MYO1E: variants seen among roughly 807,000 people sequenced by gnomAD.
MYO1E encodes the protein unconventional myosin-Ie.
MYO1E carries 68 observed loss-of-function variants against 151.1 expected under a neutral mutation model. That is an observed-to-expected ratio of 0.45 (90% CI 0.37 to 0.55). MYO1E has a LOEUF of 0.55. Among genes scored for constraint, MYO1E ranks in the 20% least tolerant of loss-of-function variants. The pLI is 0.00. For missense variants in MYO1E, 1,363 were observed against 1,389.3 expected, an observed-to-expected ratio of 0.98 and a Z score of 0.30; for synonymous variants, 601 against 501.7, an observed-to-expected ratio of 1.20 and a Z score of -2.64.
rs1411502221 is a variant in MYO1E, at chr15:59,135,323, A to G, written c.*2057T>C. 6.6e-6 allele frequency: 1 copy of G among 152,254 alleles called. No homozygotes were observed. The highest frequency in any genetic ancestry group is 1.5e-5 in the Non-Finnish European group (1 of 68,060). The allele number at this position is 152,254 out of a possible 1,614,324, so 9.4% of individuals were successfully genotyped here. A position where few individuals can be genotyped will look rare whatever the true frequency, so the allele number is the denominator to read the frequency against. On this transcript the variant is annotated 3_prime_UTR_variant, in exon 28 of 28. Coordinates refer to ENST00000288235, the MANE Select transcript of MYO1E (RefSeq NM_004998.4). ...AATCAATCAATCAGGAGGAAAAACAAAGGCTTGTCCCAGCCAGCCAGGGGC... is the reference window on the plus strand; with the variant it reads ...AATCAATCAATCAGGAGGAAAAACAGAGGCTTGTCCCAGCCAGCCAGGGGC...
rs369800104 is a variant in MYO1E, at chr15:59,344,224, C to T, written c.3+28274G>A. Among the ~76,000 whole-genome samples the T allele has an allele frequency of 3.3e-5, 5 of 152,346 alleles. No individual in the cohort carries two copies. In the South Asian group the frequency reaches 6.2e-4, roughly 19 times the overall value. On this transcript the variant is annotated intron_variant, in intron 1 of 27. Coordinates refer to ENST00000288235, the MANE Select transcript of MYO1E (RefSeq NM_004998.4). ...TTTGTGGACACCACAGCCGTATCTG[C>T]ATTATGGGGTACCCCAAGCCCAGTA...
rs118152842 is a variant in MYO1E at position 59,342,935 on chromosome 15, A to G, written c.3+29563T>C. Reference sequence around the variant, plus strand: ...TAATTTTGTCTCCCCACTTTTTAACATTTTGTTGTTTCTATTTATCTTACT... The same window carrying G: ...TAATTTTGTCTCCCCACTTTTTAACGTTTTGTTGTTTCTATTTATCTTACT... On this transcript the variant is annotated intron_variant, in intron 1 of 27. Coordinates refer to ENST00000288235, the MANE Select transcript of MYO1E (RefSeq NM_004998.4). Among the ~76,000 whole-genome samples the G allele has an allele frequency of 5.8e-3, 877 of 152,208 alleles. 2 individuals carry two copies. The highest frequency in any genetic ancestry group is 0.011 in the Non-Finnish European group (736 of 67,990).
At chr15:59,194,234 T>G (rs1469193570) in intron 17 of MYO1E, among the ~76,000 whole-genome samples, 1 of 151,892 alleles carries the variant, frequency 6.6e-6, no homozygotes, top group Admixed American at 6.6e-5. Context: ...CAGAACATAG[T>G]GGCCTGAAAA....
At position 59,323,252 on chromosome 15, in the gene MYO1E, T is replaced by C. The variant is rs1386436069; in HGVS notation, c.3+49246A>G. Among the ~76,000 whole-genome samples the C allele has an allele frequency of 2.7e-5, 4 of 149,000 alleles. No individual in the cohort carries two copies. The East Asian group carries it at 8.0e-4, about 30-fold the overall frequency. ...AAATAAGATTGACAGAAAAGAAACA[T>C]CTGTTCCTAAAACCAAACTAAACCA... On this transcript the variant is annotated intron_variant, in intron 1 of 27. Transcript: ENST00000288235.
intron 14 of MYO1E, chr15:59,207,421 C>T (rs144009943): frequency 8.7e-6 from 14 of 1,613,890 alleles, no homozygotes; most frequent in African/African-American, 6.7e-5. Flanking sequence ...TTTAGTCCAG[C>T]GAAATGTGGC....
Position 59,172,564 on chromosome 15 carries a change from G to A in MYO1E, c.2335-522C>T, listed in dbSNP as rs1436975284. On this transcript the variant is annotated intron_variant, in intron 21 of 27. Coordinates refer to ENST00000288235, the MANE Select transcript of MYO1E (RefSeq NM_004998.4). ...TGACATGTAAAAAATGATGACATTT[G>A]ACTCTTTTTGACTTAAAAACTGGCA... is the stretch of plus-strand genomic sequence containing the variant. Among the ~76,000 whole-genome samples the A allele has an allele frequency of 2.6e-5, 4 of 152,122 alleles. No homozygotes were observed. The East Asian group carries it at 7.7e-4, about 29-fold the overall frequency.
intron 1 of MYO1E, among the ~76,000 whole-genome samples, chr15:59,314,562 T>C (rs1233028344): frequency 2.6e-5 from 4 of 152,068 alleles, no homozygotes; most frequent in African/African-American, 9.7e-5. Context: ...AGAAATGGTA[T>C]AATGGAAAGA....
At position 59,159,013 on chromosome 15, in the gene MYO1E, G is replaced by A. The variant is rs2079523516; in HGVS notation, c.2786-634C>T. ...AGGAGATCTCTGCAGAGACATCTAT[G>A]TGGGGAAGAAAAACAATAGGGTCTT... On this transcript the variant is annotated intron_variant, in intron 24 of 27. Transcript: ENST00000288235. The surrounding 1 kb of genome is among the most constrained non-coding windows in gnomAD (Gnocchi z 4.4). Among the ~76,000 whole-genome samples the A allele has an allele frequency of 6.6e-6, 1 of 152,222 alleles. No homozygotes were observed. Among genetic ancestry groups the A allele is most frequent in the Non-Finnish European group, 1.5e-5 (1 of 68,036 alleles).
chr15:59,196,510 C>A (rs1298637865), intron 16 of MYO1E, among the ~76,000 whole-genome samples: 2 of 152,210 alleles, frequency 1.3e-5, no homozygotes, highest in East Asian at 3.9e-4. Flanking sequence ...GAAAAAAAGC[C>A]AAAAGGGACC....
intron 2 of MYO1E, among the ~76,000 whole-genome samples, chr15:59,269,639 T>G (rs921529800): frequency 9.2e-5 from 14 of 151,872 alleles, no homozygotes; most frequent in African/African-American, 3.4e-4. Flanking sequence ...GGACAGATCA[T>G]GAGGTGAAGA....
intron 5 of MYO1E, among the ~76,000 whole-genome samples, chr15:59,232,259 C>A (rs1476987312): frequency 2.0e-5 from 3 of 152,210 alleles, no homozygotes; most frequent in Non-Finnish European, 4.4e-5. Context: ...CCTCCCCAAA[C>A]AAGGTTATGG....
chr15:59,353,060 C>A (rs970370506), intron 1 of MYO1E, among the ~76,000 whole-genome samples: 13 of 152,292 alleles, frequency 8.5e-5, no homozygotes, highest in Admixed American at 7.2e-4. Flanking sequence ...ATCTAGCCAA[C>A]GGCAGTTGAT....
intron 8 of MYO1E, 116 bp downstream of exon 8, chr15:59,224,573 G>T: frequency 7.1e-7 from 1 of 1,402,750 alleles, no homozygotes; most frequent in Non-Finnish European, 1.0e-6. Context: ...TGCTCACAGA[G>T]AAAGAGGCGG....
chr15:59,334,695 G>A (rs572415199), intron 1 of MYO1E, among the ~76,000 whole-genome samples: 5 of 152,268 alleles, frequency 3.3e-5, no homozygotes, highest in South Asian at 4.1e-4. Context: ...TCTGAAAGAC[G>A]ATTATACAGA....
At chr15:59,167,373 T>C (rs146886467) in intron 22 of MYO1E, among the ~76,000 whole-genome samples, 137 of 152,214 alleles carry the variant, frequency 9.0e-4, no homozygotes, top group African/African-American at 3.2e-3. Flanking sequence ...GACCCCCAAA[T>C]AAGAGCTTCC....
At chr15:59,367,912 G>A (rs1384294214) in intron 1 of MYO1E, among the ~76,000 whole-genome samples, 2 of 152,130 alleles carry the variant, frequency 1.3e-5, no homozygotes, top group Non-Finnish European at 2.9e-5. Flanking sequence ...CTGAGGTCAG[G>A]AGTTTGAGAC....
intron 2 of MYO1E, chr15:59,266,658 C>CTTTT (rs2080255488): frequency 7.0e-6 from 1 of 142,106 alleles, no homozygotes; most frequent in Non-Finnish European, 1.5e-5. Flanking sequence ...TTTTGTTTTG[C>CTTTT]TGTTCTTTTT....
intron 1 of MYO1E, among the ~76,000 whole-genome samples, chr15:59,281,841 G>A (rs2080354919): frequency 6.6e-6 from 1 of 151,980 alleles, no homozygotes; most frequent in Non-Finnish European, 1.5e-5. Context: ...GCTCATGCCT[G>A]TAATCCCAGG....
chr15:59,218,196 G>A, intron 9 of MYO1E, 109 bp from the exon 10 acceptor site: 4 of 1,322,332 alleles, frequency 3.0e-6, no homozygotes, highest in Non-Finnish European at 4.3e-6. Context: ...TGTGTGCATA[G>A]AAGGCACAAT....
Sources: gnomAD v4.1 joint callset for allele counts (sites outside exome capture counted in the v4.1 genomes callset) on GRCh38, gnomAD v4.1.1 for gene constraint, Gnocchi (gnomAD v3.1) non-coding constraint, MANE v1.5 for transcripts, NCBI Gene and HGNC (gene_info 2026-07-23, HGNC 2026-07-21) for gene names.